Variants in ITGB1 observed in about 807,000 individuals in gnomAD.
The protein encoded by ITGB1 is integrin beta-1.
A neutral mutation model predicts 86.5 loss-of-function variants in ITGB1; 24 were observed. That is an observed-to-expected ratio of 0.28 (90% confidence interval 0.20 to 0.39). The LOEUF is 0.39. ITGB1 is among the 10% of genes least tolerant of loss of function. The probability of loss-of-function intolerance (pLI) is 1.00; values close to 1 mark genes in which losing one functional copy is unlikely to be tolerated. For synonymous variants in ITGB1, 323 were observed against 316.8 expected, an observed-to-expected ratio of 1.02 and a Z score of -0.21; for missense variants, 556 against 946.9, an observed-to-expected ratio of 0.59 and a Z score of 5.42.
chr10:32,932,259 C>G (rs982776429), intron 3 of ITGB1, among the ~76,000 whole-genome samples: 3 of 151,980 alleles, frequency 2.0e-5, no homozygotes, highest in Non-Finnish European at 4.4e-5. Context: ...TATCATTTCA[C>G]CATTATTATT....
At chr10:32,943,359 GA>G (rs2095023514) in intron 1 of ITGB1, among the ~76,000 whole-genome samples, 1 of 151,478 alleles carries the variant, frequency 6.6e-6, no homozygotes, top group Non-Finnish European at 1.5e-5. Context: ...ATGAAAGCAT[GA>G]TTTTTTTTTA....
chr10:32,942,967 G>T (rs1173549226), intron 1 of ITGB1, among the ~76,000 whole-genome samples: 1 of 152,086 alleles, frequency 6.6e-6, no homozygotes, highest in Non-Finnish European at 1.5e-5. Context: ...AGTAAGCTAT[G>T]ATCACACCAC....
At chr10:32,921,287 C>A (rs2094949142) in intron 9 of ITGB1, among the ~76,000 whole-genome samples, 1 of 152,070 alleles carries the variant, frequency 6.6e-6, no homozygotes, top group Non-Finnish European at 1.5e-5. Context: ...GTTCACACCC[C>A]TGAAAGAACA....
chr10:32,906,571 CAGAG>C (rs768380728), intron 15 of ITGB1: 15 of 173,128 alleles, frequency 8.7e-5, no homozygotes, highest in Admixed American at 3.2e-4. Context: ...GGCTGGGCGA[CAGAG>C]AGAGACTGTC....
chr10:32,952,345 A>G (rs1352149641), intron 1 of ITGB1, among the ~76,000 whole-genome samples: 3 of 152,176 alleles, frequency 2.0e-5, no homozygotes, highest in African/African-American at 7.2e-5. Context: ...TTTTTAATCC[A>G]TGCTTCTTTA....
chr10:32,906,132 A>G (rs545080152), intron 15 of ITGB1, among the ~76,000 whole-genome samples: 132 of 152,240 alleles, frequency 8.7e-4, no homozygotes, highest in African/African-American at 3.1e-3. Context: ...TTCAAGTTAT[A>G]TTCAAGAAAT....
intron 7 of ITGB1, 121 bp from the exon 8 acceptor site, chr10:32,922,856 C>G: frequency 1.7e-6 from 1 of 586,912 alleles, no homozygotes. Context: ...CTTTAGATAA[C>G]TAGATTACAT....
chr10:32,939,513 C>T (rs2095012699), intron 1 of ITGB1, among the ~76,000 whole-genome samples: 1 of 152,168 alleles, frequency 6.6e-6, no homozygotes, highest in Non-Finnish European at 1.5e-5. Context: ...GCCTATTGCC[C>T]CTAGGCTACA....
At chr10:32,910,520 A>G (rs2094910028) in intron 13 of ITGB1, 65 bp from the exon 14 acceptor site, 1 of 1,122,730 alleles carries the variant, frequency 8.9e-7, no homozygotes, top group Non-Finnish European at 1.3e-6. Flanking sequence ...TTGCTTAAAC[A>G]TATTTCCCAT....
intron 11 of ITGB1, among the ~76,000 whole-genome samples, chr10:32,916,125 A>G (rs1308398757): frequency 6.6e-6 from 1 of 152,244 alleles, no homozygotes; most frequent in African/African-American, 2.4e-5. Context: ...TCATGCTAAA[A>G]ACTCTCAATA....
chr10:32,944,462 G>A (rs568112030), intron 1 of ITGB1: 16 of 352,052 alleles, frequency 4.5e-5, no homozygotes, highest in African/African-American at 1.5e-4. Context: ...ACTAGTTGTC[G>A]CGCGTCACCA....
chr10:32,927,590 G>C (rs1053771053), intron 5 of ITGB1, among the ~76,000 whole-genome samples: 1 of 152,130 alleles, frequency 6.6e-6, no homozygotes, highest in African/African-American at 2.4e-5. Context: ...TCAGGAGTTC[G>C]AGACCAGCCT....
At chr10:32,935,162 A>C (rs770394905) in intron 2 of ITGB1, among the ~76,000 whole-genome samples, 8 of 152,172 alleles carry the variant, frequency 5.3e-5, no homozygotes, top group Non-Finnish European at 1.0e-4. Flanking sequence ...CATTCTACAC[A>C]TTTATTTCAT....
At position 32,928,227 on chromosome 10, in the gene ITGB1, A is replaced by T. The variant is rs1028905719; in HGVS notation, c.414T>A (p.Ala138=). The T allele has an allele frequency of 3.3e-6, 3 of 921,474 alleles. No individual in the cohort carries two copies. The highest frequency in any genetic ancestry group is 5.5e-6 in the Non-Finnish European group (3 of 549,660). The allele number at this position is 921,474 out of a possible 1,614,324, so 57.1% of individuals were successfully genotyped here. ...PQTFTLKFKR[A]EDYPIDLYYL... ...AGTAGAGGTCAATGGGATAGTCTTC[A>T]GCTCTCTTGAATTTTAATGTAAATG... The change falls in exon 5 of 16, where the codon GCT becomes GCA. Residue 138 remains alanine (A), a synonymous_variant. Transcript: ENST00000302278.
At chr10:32,901,710 G>C in intron 15 of ITGB1, 75 bp from the exon 16 acceptor site, 1 of 972,982 alleles carries the variant, frequency 1.0e-6, no homozygotes, top group Admixed American at 2.2e-5. Context: ...TATAAATCAA[G>C]ACTAAAAGTT....
rs1466503444 is a variant in ITGB1 at position 32,926,235 on chromosome 10, T to C, written c.548-126A>G. On this transcript the variant is annotated intron_variant, in intron 5 of 15. Coordinates refer to ENST00000302278, the MANE Select transcript of ITGB1 (RefSeq NM_002211.4). ...GGTTACTATGGACTGAATGTCTGTG[T>C]TACCCCAAAATTCCTACATTGAAAA... 8.1e-5 allele frequency: 58 copies of C among 712,040 alleles called. No individual in the cohort carries two copies. The East Asian group carries it at 1.6e-3, about 19-fold the overall frequency. 44.1% of individuals were successfully genotyped at this position (712,040 alleles called of 1,614,324 possible).
At chr10:32,913,782 C>G (rs1286647051) in intron 11 of ITGB1, among the ~76,000 whole-genome samples, 5 of 152,164 alleles carry the variant, frequency 3.3e-5, no homozygotes, top group Admixed American at 1.3e-4. Flanking sequence ...CCTAGCAAGG[C>G]AGGCCAACAT....
At chr10:32,951,363 C>T (rs1200884784) in intron 1 of ITGB1, among the ~76,000 whole-genome samples, 1 of 151,834 alleles carries the variant, frequency 6.6e-6, no homozygotes, top group Non-Finnish European at 1.5e-5. Flanking sequence ...CAATGAGAAA[C>T]GTTGTCTAAT....
At chr10:32,947,475 A>T (rs1417826769) in intron 1 of ITGB1, among the ~76,000 whole-genome samples, 2 of 93,244 alleles carry the variant, frequency 2.1e-5, no homozygotes, top group African/African-American at 8.9e-5. Flanking sequence ...GTGTACGTAC[A>T]TACACACAGT....
Sources: allele counts gnomAD v4.1 joint callset (sites outside exome capture counted in the v4.1 genomes callset), GRCh38; gene constraint gnomAD v4.1.1; transcripts MANE v1.5; gene names NCBI Gene and HGNC (gene_info 2026-07-23, HGNC 2026-07-21).